Variants in GBE1 observed in about 807,000 individuals in gnomAD.
GBE1 encodes the protein 1,4-alpha-glucan-branching enzyme.
A neutral mutation model predicts 88.8 loss-of-function variants in GBE1; 70 were observed. That is an observed-to-expected ratio of 0.79 (90% CI 0.65 to 0.96). GBE1 has a LOEUF of 0.96. GBE1 is among the 40% of genes least tolerant of loss of function. The probability of loss-of-function intolerance (pLI) is 0.00; values close to 1 mark genes in which losing one functional copy is unlikely to be tolerated. For missense variants in GBE1, 872 were observed against 871.0 expected, an observed-to-expected ratio of 1.00 and a Z score of -0.01; for synonymous variants, 284 against 300.1, an observed-to-expected ratio of 0.95 and a Z score of 0.56.
At chr3:81,644,700 A>G (rs1175069284) in intron 6 of GBE1, among the ~76,000 whole-genome samples, 1 of 152,194 alleles carries the variant, frequency 6.6e-6, no homozygotes, top group African/African-American at 2.4e-5. Context: ...TTGACCATTA[A>G]TTGGTAGAAC....
At chr3:81,544,146 A>G (rs1004454745) in intron 12 of GBE1, among the ~76,000 whole-genome samples, 1 of 152,164 alleles carries the variant, frequency 6.6e-6, no homozygotes, top group African/African-American at 2.4e-5. Context: ...ATGGGTCACA[A>G]GTAAGGGCTT....
intron 7 of GBE1, among the ~76,000 whole-genome samples, chr3:81,624,484 C>A (rs987727588): frequency 1.3e-5 from 2 of 152,188 alleles, no homozygotes; most frequent in Non-Finnish European, 1.5e-5. Flanking sequence ...TATTTCATAT[C>A]TATTTTTAAA....
In GBE1 at chr3:81,750,527, A is replaced by ATATATATATACGTATATATATATG. The variant is rs1559708262; in HGVS notation, c.143+10824_143+10847dup. 1.0e-3 allele frequency among the ~76,000 whole-genome samples: 82 copies of ATATATATATACGTATATATATATG among 81,000 alleles called. 6 individuals are homozygous for ATATATATATACGTATATATATATG. The highest frequency in any genetic ancestry group is 1.4e-3 in the Non-Finnish European group (66 of 47,670). 53.1% of individuals were successfully genotyped at this position (81,000 alleles called of 152,430 possible). ...ACCAATTTCATCTCAAAACATTCAT[A>ATATATATATACGTATATATATATG]TATATATATACGTATATATATATGT... On this transcript the variant is annotated intron_variant, in intron 1 of 15. Coordinates refer to ENST00000429644, the MANE Select transcript of GBE1 (RefSeq NM_000158.4).
chr3:81,558,686 G>A (rs564636125), intron 12 of GBE1, among the ~76,000 whole-genome samples: 1 of 151,996 alleles, frequency 6.6e-6, no homozygotes, highest in Admixed American at 6.6e-5. Flanking sequence ...GCTTAAACAT[G>A]CAGATTTCAA....
chr3:81,593,651 T>C (rs1055224262), intron 8 of GBE1, among the ~76,000 whole-genome samples: 19 of 152,046 alleles, frequency 1.2e-4, no homozygotes, highest in Admixed American at 2.0e-4. Context: ...ATCCTGAGAG[T>C]GTTACAATAA....
chr3:81,591,067 C>G lies in GBE1; in HGVS notation c.1206G>C (p.Thr402=). 6.2e-7 allele frequency: 1 copy of G among 1,609,420 alleles called. No homozygotes were observed. The part of the protein sequence containing the change: ...YLMLANHLVH[T]LCPDSITIAE... ...CTATTGTTATAGAATCGGGACACAG[C>G]GTGTGAACCAAATGATTTGCCAACA... The change falls in exon 9 of 16, where the codon ACG becomes ACC. Residue 402 remains threonine, a synonymous_variant. Transcript: ENST00000429644.
At chr3:81,543,721 G>A (rs1198063672) in intron 12 of GBE1, among the ~76,000 whole-genome samples, 2 of 152,090 alleles carry the variant, frequency 1.3e-5, no homozygotes, top group African/African-American at 4.8e-5. Context: ...AGGGTGCTGT[G>A]TATAAGGGCT....
intron 12 of GBE1, among the ~76,000 whole-genome samples, chr3:81,548,882 C>T (rs1034551836): frequency 1.3e-5 from 2 of 151,032 alleles, no homozygotes; most frequent in Non-Finnish European, 3.0e-5. Context: ...TGATCATTTG[C>T]TTTGTTTTTC....
intron 14 of GBE1, among the ~76,000 whole-genome samples, chr3:81,510,380 C>G (rs1216687383): frequency 1.3e-5 from 2 of 152,024 alleles, no homozygotes; most frequent in East Asian, 3.9e-4. Context: ...AGTCCTCTTT[C>G]TCTTTTAAGA....
chr3:81,591,583 G>A (rs978801713), intron 8 of GBE1, among the ~76,000 whole-genome samples: 2 of 151,974 alleles, frequency 1.3e-5, no homozygotes, highest in Non-Finnish European at 2.9e-5. Context: ...ATAAAACTGA[G>A]ACATAATATT....
At chr3:81,524,509 T>C (rs62265411) in intron 14 of GBE1, among the ~76,000 whole-genome samples, 51,185 of 151,624 alleles carry the variant, frequency 0.34, 9,072 homozygotes, top group East Asian at 0.48. Flanking sequence ...ATTTTTGCTT[T>C]GATTGCCTAT....
At chr3:81,588,118 T>A (rs76151756) in intron 9 of GBE1, among the ~76,000 whole-genome samples, 1 of 146,066 alleles carries the variant, frequency 6.8e-6, no homozygotes, top group Non-Finnish European at 1.5e-5. Context: ...TTTTTTTTTC[T>A]TATGGAAGGA....
At chr3:81,644,922 C>G (rs1020914448) in intron 6 of GBE1, among the ~76,000 whole-genome samples, 1 of 150,884 alleles carries the variant, frequency 6.6e-6, no homozygotes, top group Non-Finnish European at 1.5e-5. Context: ...AGGGACAAGT[C>G]CAGTATAATG....
At chr3:81,691,435 A>C (rs945937603) in intron 2 of GBE1, among the ~76,000 whole-genome samples, 6 of 152,184 alleles carry the variant, frequency 3.9e-5, no homozygotes, top group African/African-American at 1.4e-4. Context: ...ACTTTGTGCT[A>C]GTCAGCATGA....
In GBE1 at chr3:81,536,968, A is replaced by G; in HGVS notation, c.1746T>C (p.Asn582=). ...DDLLRYKFLN[N]FDRDMNRLEE... is the part of the protein sequence containing the mutation. ...CCAATCTATTCATATCCCTGTCAAA[A>G]TTATTTAGGAACTTGTAGCGAAGAA... Residue 582 remains asparagine, a synonymous_variant, in exon 13 of 16, where the codon AAT becomes AAC. Transcript: ENST00000429644. The G allele has an allele frequency of 6.3e-7, 1 of 1,592,256 alleles. No individual in the cohort carries two copies. The highest frequency in any genetic ancestry group is 8.5e-7 in the Non-Finnish European group (1 of 1,170,620).
At chr3:81,612,878 A>C (rs1704201060) in intron 7 of GBE1, 1 of 406,494 alleles carries the variant, frequency 2.5e-6, no homozygotes, top group Non-Finnish European at 4.8e-6. Context: ...ATATTTGGCC[A>C]AAACCATTAC....
chr3:81,675,587 T>C (rs1013225443), intron 2 of GBE1, among the ~76,000 whole-genome samples: 3 of 152,182 alleles, frequency 2.0e-5, no homozygotes, highest in South Asian at 2.1e-4. Flanking sequence ...AAGCAACTGA[T>C]AACAAAATGA....
intron 14 of GBE1, among the ~76,000 whole-genome samples, chr3:81,507,674 G>T (rs1410322734): frequency 2.1e-5 from 3 of 145,778 alleles, no homozygotes; most frequent in African/African-American, 7.4e-5. Context: ...ATATGTGTGT[G>T]TGTATATATA....
At chr3:81,608,497 C>T (rs1222483286) in intron 7 of GBE1, among the ~76,000 whole-genome samples, 1 of 152,162 alleles carries the variant, frequency 6.6e-6, no homozygotes, top group African/African-American at 2.4e-5. Context: ...AAACCTCTTT[C>T]AACCTTCACT....
Sources: gnomAD v4.1 joint callset for allele counts (sites outside exome capture counted in the v4.1 genomes callset) on GRCh38, gnomAD v4.1.1 for gene constraint, MANE v1.5 for transcripts, NCBI Gene and HGNC (gene_info 2026-07-23, HGNC 2026-07-21) for gene names.